TFB2M: variants seen among roughly 807,000 people sequenced by gnomAD.
TFB2M encodes the protein transcription factor B2, mitochondrial.
Under a neutral mutation model 41.3 loss-of-function variants are expected in TFB2M, and 44 were observed. The observed-to-expected ratio is 1.07, with a 90% CI of 0.84 to 1.37. The LOEUF is 1.37. Ranked by LOEUF, TFB2M falls within the 40% of genes most tolerant of loss-of-function variation. TFB2M has a pLI of 0.00. For missense variants in TFB2M, 496 were observed against 490.2 expected (o/e 1.01, Z -0.11); for synonymous variants, 188 against 176.8 (o/e 1.06, Z -0.50).
At chr1:246,544,177 G>GT (rs1458884989) in intron 7 of TFB2M, among the ~76,000 whole-genome samples, 1 of 152,162 alleles carries the variant, frequency 6.6e-6, no homozygotes, top group African/African-American at 2.4e-5. Context: ...GCAATGAGAG[G>GT]TAAGTGTGGG....
At chr1:246,543,838 A>C (rs1658927517) in intron 7 of TFB2M, among the ~76,000 whole-genome samples, 2 of 152,106 alleles carry the variant, frequency 1.3e-5, no homozygotes, top group Non-Finnish European at 2.9e-5. Context: ...ACAAATATAA[A>C]AATTAGCCGG....
rs3124071 is a variant in TFB2M at position 246,557,496 on chromosome 1, A to C, written c.441T>G (p.Ile147Met). Reference sequence around the variant, plus strand: ...GATCTAGTTTAAAGAAGTCACAGTGAATCACTCGTAGTTTTCCATCCAGAT... The same window carrying C: ...GATCTAGTTTAAAGAAGTCACAGTGCATCACTCGTAGTTTTCCATCCAGAT... ...GKNLDGKLRV[I>M]HCDFFKLDPR... Residue 147 changes from isoleucine to methionine, a missense_variant, in exon 3 of 8, where the codon ATT becomes ATG. Transcript: ENST00000366514. 6.8e-6 allele frequency: 11 copies of C among 1,611,656 alleles called. No homozygotes were observed. The highest frequency in any genetic ancestry group is 9.3e-6 in the Non-Finnish European group (11 of 1,179,118).
chr1:246,549,264 G>T (rs996490765), intron 5 of TFB2M, among the ~76,000 whole-genome samples: 1 of 151,814 alleles, frequency 6.6e-6, no homozygotes, highest in Non-Finnish European at 1.5e-5. Flanking sequence ...TTTTGTAAGA[G>T]AATTTTGTGC....
chr1:246,562,268 C>T (rs867284639), intron 2 of TFB2M, among the ~76,000 whole-genome samples: 4 of 152,142 alleles, frequency 2.6e-5, no homozygotes, highest in South Asian at 2.1e-4. Context: ...TAAGTTGAAA[C>T]GGAAGATTAT....
chr1:246,560,189 A>G (rs1659419488), intron 2 of TFB2M, among the ~76,000 whole-genome samples: 1 of 152,198 alleles, frequency 6.6e-6, no homozygotes, highest in Non-Finnish European at 1.5e-5. Flanking sequence ...TAGGCAAACC[A>G]AAAGATTGGA....
At position 246,556,747 on chromosome 1, in the gene TFB2M, T is replaced by C. The variant is rs372315677; in HGVS notation, c.557-26A>G. 21 of 1,527,048 alleles carry C rather than the reference T, an allele frequency of 1.4e-5. No homozygotes were observed. The South Asian group carries it at 1.6e-4, about 12-fold the overall frequency. The allele number at this position is 1,527,048 out of a possible 1,614,324, so 94.6% of individuals were successfully genotyped here. A position where few individuals can be genotyped will look rare whatever the true frequency, so the allele number is the denominator to read the frequency against. ...CTGTTAGGAATATAAGCAAAAAGAT[T>C]TGAATAAAGTTCTTAGCATTTTGTC... On this transcript the variant is annotated intron_variant, in intron 3 of 7. Transcript: ENST00000366514.
intron 4 of TFB2M, among the ~76,000 whole-genome samples, chr1:246,552,959 T>C (rs1659225639): frequency 6.6e-6 from 1 of 150,810 alleles, no homozygotes; most frequent in Non-Finnish European, 1.5e-5. Context: ...CTGTGGCTCA[T>C]ACCTGTAATC....
At chr1:246,563,341 C>T (rs1399650464) in intron 2 of TFB2M, among the ~76,000 whole-genome samples, 1 of 152,086 alleles carries the variant, frequency 6.6e-6, no homozygotes, top group African/African-American at 2.4e-5. Context: ...TGGTGGCTCA[C>T]GCCTGTAATC....
intron 7 of TFB2M, among the ~76,000 whole-genome samples, chr1:246,543,657 G>A (rs754063094): frequency 1.3e-5 from 2 of 152,222 alleles, no homozygotes; most frequent in African/African-American, 2.4e-5. Flanking sequence ...TGGATGGCCA[G>A]GTGCAGTGGC....
chr1:246,547,233 C>T (rs1302833960), intron 6 of TFB2M, among the ~76,000 whole-genome samples: 4 of 152,140 alleles, frequency 2.6e-5, no homozygotes, highest in Admixed American at 6.6e-5. Flanking sequence ...CCACCCACCT[C>T]GGCCTCCCAA....
intron 3 of TFB2M, among the ~76,000 whole-genome samples, 153 bp downstream of exon 3, chr1:246,557,228 G>A (rs913185825): frequency 3.3e-5 from 5 of 152,030 alleles, no homozygotes. Context: ...AACCAGGATC[G>A]CGCCACTGCA....
At chr1:246,554,315 T>TACC (rs1278253165) in intron 4 of TFB2M, among the ~76,000 whole-genome samples, 2 of 152,176 alleles carry the variant, frequency 1.3e-5, no homozygotes, top group African/African-American at 4.8e-5. Context: ...CACGAACTGA[T>TACC]ACCAGTCCGT....
rs968384155 is a variant in TFB2M, at chr1:246,565,743, T to C, written c.313+83A>G. 11 of 1,408,020 alleles carry C rather than the reference T, an allele frequency of 7.8e-6. No individual in the cohort carries two copies. The African/African-American group carries it at 1.6e-4, about 20-fold the overall frequency. The allele number at this position is 1,408,020 out of a possible 1,614,324, so 87.2% of individuals were successfully genotyped here. On this transcript the variant is annotated intron_variant, in intron 1 of 7. Transcript: ENST00000366514. The stretch of plus-strand genomic sequence containing the variant: ...AAGAACAACAAAAAAGACCCCCCAG[T>C]ATCTAAAATAGCACCCCGAGGAGGG...
At chr1:246,557,961 G>T (rs1331916216) in intron 2 of TFB2M, among the ~76,000 whole-genome samples, 5 of 151,028 alleles carry the variant, frequency 3.3e-5, no homozygotes, top group African/African-American at 1.2e-4. Context: ...GAGCCACCAC[G>T]CCCGGCTGAA....
At chr1:246,562,787 G>C (rs10802427) in intron 2 of TFB2M, among the ~76,000 whole-genome samples, 40,427 of 151,862 alleles carry the variant, frequency 0.27, 6,802 homozygotes, top group Non-Finnish European at 0.36. Context: ...AGCCTCCCGA[G>C]TAGCTGGGAC....
chr1:246,553,321 A>C (rs1659233906), intron 4 of TFB2M, among the ~76,000 whole-genome samples: 2 of 152,208 alleles, frequency 1.3e-5, no homozygotes, highest in South Asian at 4.1e-4. Context: ...AATTCGAAAA[A>C]CAATTCCATT....
At chr1:246,550,105 T>C (rs922971967) in intron 5 of TFB2M, among the ~76,000 whole-genome samples, 5 of 152,090 alleles carry the variant, frequency 3.3e-5, no homozygotes, top group Non-Finnish European at 5.9e-5. Context: ...TGAAAGCAAA[T>C]ACTAAGGGAA....
chr1:246,559,629 A>C (rs879535222), intron 2 of TFB2M, among the ~76,000 whole-genome samples: 23 of 152,186 alleles, frequency 1.5e-4, no homozygotes, highest in Non-Finnish European at 2.8e-4. Context: ...GAGGAAGGGA[A>C]AGACTGGGGG....
chr1:246,554,788 G>A (rs1322736582), intron 4 of TFB2M, among the ~76,000 whole-genome samples: 7 of 152,160 alleles, frequency 4.6e-5, no homozygotes, highest in Non-Finnish European at 7.3e-5. Flanking sequence ...TGCCAAAGAT[G>A]TTGGGGACCG....
Sources: gnomAD v4.1 joint callset for allele counts (sites outside exome capture counted in the v4.1 genomes callset) on GRCh38, gnomAD v4.1.1 for gene constraint, MANE v1.5 for transcripts, NCBI Gene and HGNC (gene_info 2026-07-23, HGNC 2026-07-21) for gene names.